FKBP4: variants seen among roughly 807,000 people sequenced by gnomAD.
The protein encoded by FKBP4 is peptidyl-prolyl cis-trans isomerase FKBP4.
In FKBP4, 28 loss-of-function variants were observed where a neutral mutation model predicts 54.1. The ratio of observed to expected loss-of-function variants is 0.52; its 90% CI spans 0.38 to 0.71. FKBP4 has a LOEUF of 0.71. Ranked by LOEUF, FKBP4 falls within the 30% of genes least tolerant of loss-of-function variation. The probability of loss-of-function intolerance (pLI) is 0.00; values close to 1 mark genes in which losing one functional copy is unlikely to be tolerated. For synonymous variants in FKBP4, 223 were observed against 216.1 expected (o/e 1.03, Z -0.28); for missense variants, 493 against 574.4 (o/e 0.86, Z 1.45).
At chr12:2,799,976 G>A in intron 6 of FKBP4, 36 bp downstream of exon 6, 1 of 1,613,516 alleles carries the variant, frequency 6.2e-7, no homozygotes, top group Non-Finnish European at 8.5e-7. Context: ...CTAAAGTCAA[G>A]TTCCACCCTG....
chr12:2,797,648 T>C (rs1227728863), intron 2 of FKBP4, 81 bp from the exon 3 acceptor site: 9 of 1,498,846 alleles, frequency 6.0e-6, no homozygotes, highest in Middle Eastern at 2.4e-4. Flanking sequence ...ATGAGTGTGG[T>C]GCAGTAACTC....
At position 2,795,149 on chromosome 12, in the gene FKBP4, G is replaced by A. The variant is rs2097900919; in HGVS notation, c.10G>A (p.Glu4Lys). The change falls in exon 1 of 10, where the codon GAG becomes AAG. Residue 4 changes from glutamate to lysine, a missense_variant. Coordinates refer to ENST00000001008, the MANE Select transcript of FKBP4 (RefSeq NM_002014.4). This position sits in a 1 kb window ranked among gnomAD's most constrained non-coding sequence, Gnocchi z 4.3. MTA[E>K]EMKATESGAQ... is the part of the protein sequence containing the mutation. ...GGCGCGCCGCGCGGAGATGACAGCC[G>A]AGGAGATGAAGGCGACCGAGAGCGG... 1.5e-6 allele frequency: 2 copies of A among 1,308,604 alleles called. No individual in the cohort carries two copies. The highest frequency in any genetic ancestry group is 6.0e-5 in the South Asian group (2 of 33,188). 81.1% of individuals were successfully genotyped at this position (1,308,604 alleles called of 1,614,324 possible).
chr12:2,801,156 C>T lies in FKBP4; in HGVS notation c.1072C>T (p.Arg358Cys), dbSNP rs746651193. The T allele has an allele frequency of 1.4e-5, 23 of 1,613,820 alleles. No homozygotes were observed. The highest frequency in any genetic ancestry group is 1.8e-5 in the Non-Finnish European group (21 of 1,179,922). The change falls in exon 9 of 10, where the codon CGC becomes TGC. Residue 358 changes from arginine (R) to cysteine (C), a missense_variant. Transcript: ENST00000001008. ...CAGCAACAACGAGAAGGGCCTCTTC[C>T]GCCGGGGAGAGGCCCACCTGGCCGT... ...LDSNNEKGLF[R>C]RGEAHLAVND...
intron 9 of FKBP4, among the ~76,000 whole-genome samples, chr12:2,802,479 G>GT (rs1201241585): frequency 6.6e-6 from 1 of 152,148 alleles, no homozygotes; most frequent in Non-Finnish European, 1.5e-5. Context: ...TAGAAATACA[G>GT]TATCAACCAC....
rs910690562 is a variant in FKBP4, at chr12:2,798,576, A to C, written c.394-130A>C. 1.4e-4 allele frequency: 206 copies of C among 1,502,124 alleles called. No individual in the cohort carries two copies. Among genetic ancestry groups the C allele is most frequent in the Non-Finnish European group, 1.8e-4 (197 of 1,103,368 alleles). The allele number at this position is 1,502,124 out of a possible 1,614,324, so 93.0% of individuals were successfully genotyped here. On this transcript the variant is annotated intron_variant, in intron 3 of 9. Transcript: ENST00000001008. This position sits in a 1 kb window ranked among gnomAD's most constrained non-coding sequence, Gnocchi z 4.3. ...CTGAAAAAAAGTGCCACTCTACCCA[A>C]CTCCTTGTGACTGCCCTTGTGGTCA...
chr12:2,801,686 A>T (rs1243387211), intron 9 of FKBP4: 3 of 482,442 alleles, frequency 6.2e-6, no homozygotes, highest in Non-Finnish European at 1.2e-5. Flanking sequence ...CCCAGTAGGT[A>T]GAGACCTCAG....
Position 2,798,810 on chromosome 12 carries a change from G to C in FKBP4, c.498G>C (p.Glu166Asp), listed in dbSNP as rs1242303106. 9 of 1,614,086 alleles carry C rather than the reference G, an allele frequency of 5.6e-6. No homozygotes were observed. Among genetic ancestry groups the C allele is most frequent in the Non-Finnish European group, 7.6e-6 (9 of 1,180,056 alleles). The change falls in exon 4 of 10, where the codon GAG (glutamate) becomes GAC (aspartate). Residue 166 changes from glutamate to aspartate, a missense_variant. Physicochemically the swap from Glu to Asp is conservative, Grantham distance 45 (BLOSUM62 2). Transcript: ENST00000001008. This position sits in a 1 kb window ranked among gnomAD's most constrained non-coding sequence, Gnocchi z 4.3. The part of the protein sequence containing the change: ...TRGEGYAKPN[E>D]GAIVEVALEG... Reference sequence around the variant, plus strand: ...GTGAAGGCTATGCTAAGCCCAATGAGGGTGCTATCGTGGAGGGTGAGACAG... The same window carrying C: ...GTGAAGGCTATGCTAAGCCCAATGACGGTGCTATCGTGGAGGGTGAGACAG...
At chr12:2,796,632 T>C in intron 1 of FKBP4, 1 of 1,148,290 alleles carries the variant, frequency 8.7e-7, no homozygotes, top group Non-Finnish European at 1.1e-6. Flanking sequence ...TTACCTGTTT[T>C]GAACTGTTTC....
At position 2,795,042 on chromosome 12, in the gene FKBP4, C is replaced by T. The variant is rs1478103914; in HGVS notation, c.-98C>T. On this transcript the variant is annotated 5_prime_UTR_variant, in exon 1 of 10. Coordinates refer to ENST00000001008, the MANE Select transcript of FKBP4 (RefSeq NM_002014.4). This position sits in a 1 kb window ranked among gnomAD's most constrained non-coding sequence, Gnocchi z 4.3. Reference sequence around the variant, plus strand: ...CGGTCCGCAGTCAGTGCCGCCGCGCCCGGCCTCCCGCACGCCCCGCAGGTA... The same window carrying T: ...CGGTCCGCAGTCAGTGCCGCCGCGCTCGGCCTCCCGCACGCCCCGCAGGTA... 5 of 664,744 alleles carry T rather than the reference C, an allele frequency of 7.5e-6. No individual in the cohort carries two copies. Among genetic ancestry groups the T allele is most frequent in the Non-Finnish European group, 8.4e-6 (4 of 477,676 alleles). The allele number at this position is 664,744 out of a possible 1,614,324, so 41.2% of individuals were successfully genotyped here. A position where few individuals can be genotyped will look rare whatever the true frequency, so the allele number is the denominator to read the frequency against.
chr12:2,800,334 A>AT lies in FKBP4; in HGVS notation c.847-57dup. ...CATGTGTCACTGATGTCTGCAGGGT[A>AT]TAAGAGCCTAGTACCACTGAAACTG... is the stretch of plus-strand genomic sequence containing the variant. On this transcript the variant is annotated intron_variant, in intron 7 of 9. Coordinates refer to ENST00000001008, the MANE Select transcript of FKBP4 (RefSeq NM_002014.4). The AT allele has an allele frequency of 3.2e-6, 5 of 1,547,666 alleles. No homozygotes were observed. The Middle Eastern group carries it at 5.2e-4, about 161-fold the overall frequency.
In FKBP4 at chr12:2,803,428, G is replaced by T; in HGVS notation, c.*170G>T. ...GGAAAGGTGTAGGCTGGGGGATTGAGGTGGGGAATCATTTTAGCTGGTGTC... is the reference window on the plus strand; with the variant it reads ...GGAAAGGTGTAGGCTGGGGGATTGATGTGGGGAATCATTTTAGCTGGTGTC... On this transcript the variant is annotated 3_prime_UTR_variant, in exon 10 of 10. Coordinates refer to ENST00000001008, the MANE Select transcript of FKBP4 (RefSeq NM_002014.4). 1.7e-6 allele frequency: 1 copy of T among 580,760 alleles called. No individual in the cohort carries two copies. Among genetic ancestry groups the T allele is most frequent in the Non-Finnish European group, 3.1e-6 (1 of 324,250 alleles). 36.0% of individuals were successfully genotyped at this position (580,760 alleles called of 1,614,324 possible). A position where few individuals can be genotyped will look rare whatever the true frequency, so the allele number is the denominator to read the frequency against.
chr12:2,801,991 C>CT (rs919819449), intron 9 of FKBP4, among the ~76,000 whole-genome samples: 25 of 152,072 alleles, frequency 1.6e-4, no homozygotes, highest in African/African-American at 2.7e-4. Flanking sequence ...GCATACTATG[C>CT]TTTTTTCACG....
chr12:2,796,265 A>C lies in FKBP4; in HGVS notation c.106-873A>C, dbSNP rs2153919062. 3 of 1,289,124 alleles carry C rather than the reference A, an allele frequency of 2.3e-6. No homozygotes were observed. The South Asian group carries it at 3.7e-5, about 16-fold the overall frequency. 79.9% of individuals were successfully genotyped at this position (1,289,124 alleles called of 1,614,324 possible). A position where few individuals can be genotyped will look rare whatever the true frequency, so the allele number is the denominator to read the frequency against. On this transcript the variant is annotated intron_variant, in intron 1 of 9. Transcript: ENST00000001008. ...AGAAGTGCATCTGTCTTTGCACCAG[A>C]TTATTGGGGACCTCAAGCGTCTGCT...
Position 2,803,299 on chromosome 12 carries a change from C to T in FKBP4, c.*41C>T. 7.3e-7 allele frequency: 1 copy of T among 1,366,680 alleles called. No homozygotes were observed. The highest frequency in any genetic ancestry group is 2.0e-5 in the Admixed American group (1 of 50,890). The allele number at this position is 1,366,680 out of a possible 1,614,324, so 84.7% of individuals were successfully genotyped here. Reference sequence around the variant, plus strand: ...CCTACTCCTGCGGCTGCCTGCCCCCCAGTCTCCCCACTCCACCCTGTTAGT... The same window carrying T: ...CCTACTCCTGCGGCTGCCTGCCCCCTAGTCTCCCCACTCCACCCTGTTAGT... On this transcript the variant is annotated 3_prime_UTR_variant, in exon 10 of 10. Transcript: ENST00000001008.
At position 2,800,052 on chromosome 12, in the gene FKBP4, G is replaced by C; in HGVS notation, c.776G>C (p.Trp259Ser). 2 of 1,614,156 alleles carry C rather than the reference G, an allele frequency of 1.2e-6. No individual in the cohort carries two copies. Among genetic ancestry groups the C allele is most frequent in the Non-Finnish European group, 1.7e-6 (2 of 1,180,042 alleles). The change falls in exon 7 of 10, where the codon TGG becomes TCG. Residue 259 changes from tryptophan (W) to serine (S), a missense_variant. Trp to Ser is a radical substitution (Grantham distance 177). Coordinates refer to ENST00000001008, the MANE Select transcript of FKBP4 (RefSeq NM_002014.4). ...GGGGTGTGGCAGGCCAAGGAGTCTT[G>C]GGAGATGAATTCAGAAGAGAAGCTG... Reference protein sequence around the residue: ...LKSFEKAKESWEMNSEEKLEQ... With the variant: ...LKSFEKAKESSEMNSEEKLEQ...
rs1202783092 is a variant in FKBP4 at position 2,803,349 on chromosome 12, G to A, written c.*91G>A. Reference sequence around the variant, plus strand: ...TTTTGTAAAAACTGAAGAATTTTGAGTGAATTAGACCTTTATTTTTCTATC... The same window carrying A: ...TTTTGTAAAAACTGAAGAATTTTGAATGAATTAGACCTTTATTTTTCTATC... On this transcript the variant is annotated 3_prime_UTR_variant, in exon 10 of 10. Coordinates refer to ENST00000001008, the MANE Select transcript of FKBP4 (RefSeq NM_002014.4). 6 of 891,100 alleles carry A rather than the reference G, an allele frequency of 6.7e-6. No homozygotes were observed. Among genetic ancestry groups the A allele is most frequent in the Non-Finnish European group, 1.1e-5 (6 of 567,046 alleles). 55.2% of individuals were successfully genotyped at this position (891,100 alleles called of 1,614,324 possible).
In FKBP4 at chr12:2,801,236, C is replaced by G. The variant is rs1294363094; in HGVS notation, c.1152C>G (p.Pro384=). ...ADFQKVLQLY[P]NNKAAKTQLA... ...TCCAGAAGGTCCTGCAGCTCTACCC[C>G]AACAACAAAGCCGCCAAGACCCAGC... Residue 384 remains proline (P), a synonymous_variant, in exon 9 of 10, where the codon CCC becomes CCG. Coordinates refer to ENST00000001008, the MANE Select transcript of FKBP4 (RefSeq NM_002014.4). The G allele has an allele frequency of 6.2e-7, 1 of 1,613,460 alleles. No homozygotes were observed. The highest frequency in any genetic ancestry group is 1.7e-5 in the Admixed American group (1 of 60,030).
intron 7 of FKBP4, 133 bp from the exon 8 acceptor site, chr12:2,800,259 G>C: frequency 7.4e-7 from 1 of 1,356,056 alleles, no homozygotes; most frequent in Non-Finnish European, 1.0e-6. Context: ...ATATATGTGA[G>C]CTTGCTGGCC....
chr12:2,800,152 C>T lies in FKBP4; in HGVS notation c.846+30C>T, dbSNP rs115656664. On this transcript the variant is annotated intron_variant, in intron 7 of 9. Coordinates refer to ENST00000001008, the MANE Select transcript of FKBP4 (RefSeq NM_002014.4). Reference sequence around the variant, plus strand: ...GCCAACAGTCATTGTCCTAAGGACACTCCCAGGAAGAGTTGCTCTGAGCCT... The same window carrying T: ...GCCAACAGTCATTGTCCTAAGGACATTCCCAGGAAGAGTTGCTCTGAGCCT... 2.9e-4 allele frequency: 461 copies of T among 1,602,502 alleles called. 1 individual carries two copies. The African/African-American group carries it at 5.7e-3, about 20-fold the overall frequency.
Sources: allele counts gnomAD v4.1 joint callset (sites outside exome capture counted in the v4.1 genomes callset), GRCh38; gene constraint gnomAD v4.1.1; non-coding constraint Gnocchi (gnomAD v3.1); transcripts MANE v1.5; gene names NCBI Gene and HGNC (gene_info 2026-07-23, HGNC 2026-07-21).